The following CTNND2 variants were observed in gnomAD, a reference collection of about 807,000 sequenced individuals.
CTNND2 encodes catenin delta-2.
CTNND2 carries 22 observed loss-of-function variants against 144.4 expected under a neutral mutation model. The ratio of observed to expected loss-of-function variants is 0.15; its 90% CI spans 0.11 to 0.22. The LOEUF (loss-of-function observed/expected upper bound fraction) is 0.22, where lower values mean the gene tolerates loss of function less well. Ranked by LOEUF, CTNND2 falls within the 10% of genes least tolerant of loss-of-function variation. The pLI is 1.00. For missense variants in CTNND2, 1,353 were observed against 1,618.8 expected, an observed-to-expected ratio of 0.84 and a Z score of 2.82; for synonymous variants, 751 against 695.6, an observed-to-expected ratio of 1.08 and a Z score of -1.25.
At chr5:11,237,236 A>G (rs928086247) in intron 9 of CTNND2, among the ~76,000 whole-genome samples, 7 of 151,882 alleles carry the variant, frequency 4.6e-5, no homozygotes, top group Admixed American at 1.3e-4. Flanking sequence ...AGCCAGGATG[A>G]TCTCGATCTC....
chr5:11,002,699 G>A (rs1198274572), intron 18 of CTNND2, among the ~76,000 whole-genome samples: 1 of 152,184 alleles, frequency 6.6e-6, no homozygotes, highest in Non-Finnish European at 1.5e-5. Flanking sequence ...CCTGCTCCTG[G>A]AAGACAACTT....
intron 18 of CTNND2, among the ~76,000 whole-genome samples, chr5:11,013,687 G>A (rs1357845057): frequency 6.6e-6 from 1 of 152,198 alleles, no homozygotes; most frequent in Non-Finnish European, 1.5e-5. Flanking sequence ...GCCTCATTAG[G>A]TTGTGATTAC....
intron 3 of CTNND2, among the ~76,000 whole-genome samples, chr5:11,508,123 A>G (rs1479047330): frequency 1.3e-5 from 2 of 152,204 alleles, no homozygotes; most frequent in African/African-American, 4.8e-5. Context: ...TAATGAAACA[A>G]TGTTCTCCTA....
At chr5:11,171,536 T>C (rs553831346) in intron 11 of CTNND2, among the ~76,000 whole-genome samples, 2 of 152,368 alleles carry the variant, frequency 1.3e-5, no homozygotes, top group East Asian at 3.9e-4. Flanking sequence ...CTTCTTCCTT[T>C]TGGTTTTTCA....
chr5:11,156,007 C>A (rs547296536), intron 12 of CTNND2, among the ~76,000 whole-genome samples: 1 of 152,260 alleles, frequency 6.6e-6, no homozygotes, highest in African/African-American at 2.4e-5. Context: ...CAGTAGTCTA[C>A]GACCTGGAGG....
At chr5:11,523,106 C>T (rs1772906950) in intron 3 of CTNND2, among the ~76,000 whole-genome samples, 1 of 152,164 alleles carries the variant, frequency 6.6e-6, no homozygotes, top group Non-Finnish European at 1.5e-5. Flanking sequence ...ATACTAATTT[C>T]ACACTTAATC....
In CTNND2 at chr5:11,497,407, A is replaced by AG. The variant is rs533985319; in HGVS notation, c.287+67536dup. On this transcript the variant is annotated intron_variant, in intron 3 of 21. Transcript: ENST00000304623. ...AAGGAGTAGGGAGCTGTGAGCACAGAGGGGGCTATGTTAGATTAGGTGGTC... is the reference window on the plus strand; with the variant it reads ...AAGGAGTAGGGAGCTGTGAGCACAGAGGGGGGCTATGTTAGATTAGGTGGTC... 1.9e-3 allele frequency among the ~76,000 whole-genome samples: 290 copies of AG among 150,780 alleles called. 12 individuals carry two copies. Among genetic ancestry groups the AG allele is most frequent in the Admixed American group, 0.015 (229 of 15,032 alleles).
chr5:11,227,590 G>A (rs1314623548), intron 10 of CTNND2, among the ~76,000 whole-genome samples: 1 of 152,132 alleles, frequency 6.6e-6, no homozygotes, highest in Admixed American at 6.5e-5. Flanking sequence ...AAAGAACTAA[G>A]AATAAAGTAG....
chr5:11,029,223 T>G (rs1224671839), intron 16 of CTNND2, among the ~76,000 whole-genome samples: 1 of 152,166 alleles, frequency 6.6e-6, no homozygotes, highest in Non-Finnish European at 1.5e-5. Flanking sequence ...TGCATCATAT[T>G]TTTTTAATGC....
intron 2 of CTNND2, among the ~76,000 whole-genome samples, chr5:11,616,838 C>A (rs1041805935): frequency 1.9e-4 from 29 of 152,172 alleles, no homozygotes; most frequent in African/African-American, 6.8e-4. Flanking sequence ...AATTCCTGGC[C>A]TCAAGTGACC....
At chr5:11,594,994 G>T (rs1053739471) in intron 2 of CTNND2, among the ~76,000 whole-genome samples, 1 of 152,046 alleles carries the variant, frequency 6.6e-6, no homozygotes, top group Non-Finnish European at 1.5e-5. Context: ...CCTTCCAGAC[G>T]CTAAGGTATA....
intron 1 of CTNND2, among the ~76,000 whole-genome samples, chr5:11,783,795 C>T (rs902624533): frequency 6.6e-6 from 1 of 152,178 alleles, no homozygotes; most frequent in Non-Finnish European, 1.5e-5. Flanking sequence ...AGATATAGAG[C>T]AGATGACATA....
rs188864829 is a variant in CTNND2 at position 11,584,429 on chromosome 5, G to A, written c.175-19373C>T. On this transcript the variant is annotated intron_variant, in intron 2 of 21. Transcript: ENST00000304623. Reference sequence around the variant, plus strand: ...TACATATATATATATTTTTTTTGGGGGGGGGGAGGAGGAAGCTAGTACTGT... The same window carrying A: ...TACATATATATATATTTTTTTTGGGAGGGGGGAGGAGGAAGCTAGTACTGT... Among the ~76,000 whole-genome samples the A allele has an allele frequency of 6.9e-4, 101 of 145,832 alleles. 3 individuals are homozygous for A. The highest frequency in any genetic ancestry group is 2.2e-3 in the African/African-American group (88 of 40,162).
In CTNND2 at chr5:11,617,435, T is replaced by G. The variant is rs566806590; in HGVS notation, c.175-52379A>C. On this transcript the variant is annotated intron_variant, in intron 2 of 21. Coordinates refer to ENST00000304623, the MANE Select transcript of CTNND2 (RefSeq NM_001332.4). ...CTGGTTTATGTTTTGCCTTCTATGTTGCCATATTTTAGCTCATCCATCATT... is the reference window on the plus strand; with the variant it reads ...CTGGTTTATGTTTTGCCTTCTATGTGGCCATATTTTAGCTCATCCATCATT... Among the ~76,000 whole-genome samples, 134 of 152,350 alleles carry G rather than the reference T, an allele frequency of 8.8e-4. 1 individual carries two copies. Among genetic ancestry groups the G allele is most frequent in the African/African-American group, 3.1e-3 (130 of 41,584 alleles).
intron 2 of CTNND2, among the ~76,000 whole-genome samples, chr5:11,655,495 A>C (rs991123689): frequency 6.6e-6 from 1 of 152,148 alleles, no homozygotes; most frequent in Non-Finnish European, 1.5e-5. Flanking sequence ...AAAGTAAAAG[A>C]ACAGGATTGA....
chr5:11,144,896 C>T (rs1484824403), intron 12 of CTNND2, among the ~76,000 whole-genome samples: 1 of 152,072 alleles, frequency 6.6e-6, no homozygotes, highest in East Asian at 1.9e-4. Flanking sequence ...CCTTATCGTT[C>T]CCAACAGCTC....
At chr5:11,186,044 A>G (rs1240335290) in intron 11 of CTNND2, among the ~76,000 whole-genome samples, 1 of 152,256 alleles carries the variant, frequency 6.6e-6, no homozygotes, top group African/African-American at 2.4e-5. Flanking sequence ...AATACAAAAC[A>G]AAGCACAAAG....
intron 3 of CTNND2, among the ~76,000 whole-genome samples, chr5:11,484,925 G>A (rs776265461): frequency 2.0e-5 from 3 of 152,116 alleles, no homozygotes; most frequent in East Asian, 1.9e-4. Context: ...TCTAAAAGAG[G>A]TGAAAGTATG....
intron 12 of CTNND2, among the ~76,000 whole-genome samples, chr5:11,146,222 G>C (rs1757232182): frequency 6.6e-6 from 1 of 152,200 alleles, no homozygotes; most frequent in Non-Finnish European, 1.5e-5. Flanking sequence ...AGATATGTTT[G>C]TGTGCAATAA....
Sources: gnomAD v4.1 joint callset for allele counts (sites outside exome capture counted in the v4.1 genomes callset) on GRCh38, gnomAD v4.1.1 for gene constraint, MANE v1.5 for transcripts, NCBI Gene and HGNC (gene_info 2026-07-23, HGNC 2026-07-21) for gene names.